The following SNX29 variants were observed in gnomAD, a reference collection of about 807,000 sequenced individuals.
SNX29 encodes the protein sorting nexin 29.
In SNX29, 78 loss-of-function variants were observed where a neutral mutation model predicts 102.1. That is an observed-to-expected ratio of 0.76 (90% confidence interval 0.64 to 0.92). SNX29 has a LOEUF of 0.92. SNX29 is among the 40% of genes least tolerant of loss of function. The pLI is 0.00. For synonymous variants in SNX29, 580 were observed against 414.5 expected (o/e 1.40, Z -4.85); for missense variants, 1,280 against 1,061.7 (o/e 1.21, Z -2.86).
At chr16:12,128,175 A>T (rs1438388400) in intron 12 of SNX29, among the ~76,000 whole-genome samples, 1 of 152,218 alleles carries the variant, frequency 6.6e-6, no homozygotes, top group African/African-American at 2.4e-5. Flanking sequence ...CTTTCAATAG[A>T]GGGCTTGCGC....
At chr16:12,164,075 C>T (rs2055907863) in intron 13 of SNX29, among the ~76,000 whole-genome samples, 1 of 152,042 alleles carries the variant, frequency 6.6e-6, no homozygotes, top group Non-Finnish European at 1.5e-5. Flanking sequence ...TTGGGGAAAG[C>T]ATTTTGGAGG....
chr16:12,306,244 G>T (rs2080333941), intron 15 of SNX29, among the ~76,000 whole-genome samples: 1 of 152,112 alleles, frequency 6.6e-6, no homozygotes, highest in Non-Finnish European at 1.5e-5. Flanking sequence ...TCGAAATTCT[G>T]TGTACTCTTA....
intron 15 of SNX29, among the ~76,000 whole-genome samples, chr16:12,325,816 C>T (rs1233625924): frequency 6.6e-6 from 1 of 151,956 alleles, no homozygotes; most frequent in East Asian, 1.9e-4. Flanking sequence ...TGCTTAAGGC[C>T]AGGAGTTCAA....
At chr16:12,457,223 G>A (rs1158212223) in intron 18 of SNX29, among the ~76,000 whole-genome samples, 1 of 152,210 alleles carries the variant, frequency 6.6e-6, no homozygotes, top group East Asian at 1.9e-4. Context: ...CATGTGTTAT[G>A]TCACAACCCT....
At chr16:12,517,366 A>G (rs1287644230) in intron 19 of SNX29, among the ~76,000 whole-genome samples, 1 of 152,100 alleles carries the variant, frequency 6.6e-6, no homozygotes, top group Non-Finnish European at 1.5e-5. Flanking sequence ...TGGGAGCCCC[A>G]TGTGACAGAT....
In SNX29 at chr16:12,477,728, C is replaced by A; in HGVS notation, c.2047C>A (p.Arg683=). The change falls in exon 19 of 21, where the codon CGG becomes AGG. Residue 683 remains arginine, a synonymous_variant. Transcript: ENST00000566228. ...TTCTCTTTCTTGACAGGTCTACATC[C>A]GGATAAAAGACGATGAATGGAATAT... ...NAFHVYQVYI[R]IKDDEWNIYR... 6.2e-7 allele frequency: 1 copy of A among 1,611,382 alleles called. No homozygotes were observed. Among genetic ancestry groups the A allele is most frequent in the South Asian group, 1.1e-5 (1 of 90,614 alleles).
intron 13 of SNX29, among the ~76,000 whole-genome samples, chr16:12,131,305 T>C (rs2054458004): frequency 6.6e-6 from 1 of 152,258 alleles, no homozygotes; most frequent in African/African-American, 2.4e-5. Context: ...GTCACTTTGT[T>C]TATATACTAT....
intron 16 of SNX29, among the ~76,000 whole-genome samples, chr16:12,388,156 G>A (rs138943803): frequency 1.1e-3 from 168 of 152,266 alleles, no homozygotes; most frequent in African/African-American, 3.9e-3. Flanking sequence ...AGATGAGCCC[G>A]AATTCTTTTT....
At chr16:12,326,069 A>G (rs1015527527) in intron 15 of SNX29, among the ~76,000 whole-genome samples, 1 of 151,226 alleles carries the variant, frequency 6.6e-6, no homozygotes, top group Admixed American at 6.6e-5. Context: ...TCTGGTGCCC[A>G]GGCTGGAGTG....
At chr16:12,076,304 T>A (rs1297987211) in intron 10 of SNX29, among the ~76,000 whole-genome samples, 1 of 84,882 alleles carries the variant, frequency 1.2e-5, no homozygotes, top group Non-Finnish European at 2.3e-5. Context: ...GGCTCCTCCC[T>A]TTTTTTTTTT....
intron 14 of SNX29, among the ~76,000 whole-genome samples, chr16:12,247,209 G>C (rs2078284710): frequency 6.6e-6 from 1 of 152,202 alleles, no homozygotes; most frequent in South Asian, 2.1e-4. Flanking sequence ...CGTTATAGCA[G>C]TCATCTTAGC....
intron 14 of SNX29, among the ~76,000 whole-genome samples, chr16:12,240,596 T>TC (rs1567346997): frequency 2.4e-5 from 3 of 122,534 alleles, no homozygotes; most frequent in Non-Finnish European, 5.0e-5. Flanking sequence ...TTTTTTTTTT[T>TC]TTTTTTTTTT....
At chr16:12,501,221 C>A (rs2089106205) in intron 19 of SNX29, among the ~76,000 whole-genome samples, 1 of 152,042 alleles carries the variant, frequency 6.6e-6, no homozygotes, top group South Asian at 2.1e-4. Flanking sequence ...CATAGTGAGA[C>A]CCCATCCCTA....
chr16:12,357,420 A>G (rs773720583), intron 16 of SNX29, among the ~76,000 whole-genome samples: 3 of 152,308 alleles, frequency 2.0e-5, no homozygotes, highest in South Asian at 2.1e-4. Flanking sequence ...CAAATTTCCA[A>G]TTGCCTCATA....
chr16:12,271,336 C>A (rs114044038), intron 14 of SNX29, among the ~76,000 whole-genome samples: 1 of 152,128 alleles, frequency 6.6e-6, no homozygotes, highest in Non-Finnish European at 1.5e-5. Flanking sequence ...CTGTTGGCTG[C>A]GTGCATCAGT....
At chr16:12,537,232 C>T (rs946443844) in intron 20 of SNX29, among the ~76,000 whole-genome samples, 8 of 152,176 alleles carry the variant, frequency 5.3e-5, no homozygotes, top group African/African-American at 1.9e-4. Flanking sequence ...TGCAAGGTGC[C>T]AGGCACACCC....
rs950869892 is a variant in SNX29, at chr16:12,534,964, T to G, written c.2318+10123T>G. 3.3e-5 allele frequency among the ~76,000 whole-genome samples: 5 copies of G among 152,322 alleles called. 1 individual carries two copies. The East Asian group carries it at 9.6e-4, about 29-fold the overall frequency. On this transcript the variant is annotated intron_variant, in intron 20 of 20. Transcript: ENST00000566228. Reference sequence around the variant, plus strand: ...CTCCTCCCTGCACAGCAGAGTTATCTGACCTGAACGTCATTAGTGTGAAGG... The same window carrying G: ...CTCCTCCCTGCACAGCAGAGTTATCGGACCTGAACGTCATTAGTGTGAAGG...
intron 13 of SNX29, among the ~76,000 whole-genome samples, chr16:12,192,460 A>G (rs1427405113): frequency 6.6e-6 from 1 of 151,578 alleles, no homozygotes; most frequent in African/African-American, 2.4e-5. Context: ...CCCTCATTCC[A>G]TTTGCTTTTT....
At position 12,572,457 on chromosome 16, in the gene SNX29, T is replaced by C; in HGVS notation, c.*3828T>C. 9.4e-7 allele frequency: 1 copy of C among 1,062,938 alleles called. No individual in the cohort carries two copies. The highest frequency in any genetic ancestry group is 4.6e-5 in the South Asian group (1 of 21,960). 65.8% of individuals were successfully genotyped at this position (1,062,938 alleles called of 1,614,324 possible). On this transcript the variant is annotated 3_prime_UTR_variant, in exon 21 of 21. Coordinates refer to ENST00000566228, the MANE Select transcript of SNX29 (RefSeq NM_032167.5). ...GCCTCTCTTGGTTCTGCATGGTACA[T>C]TTTGCCAACCCTGAGGACCAGTTCT...
Sources: gnomAD v4.1 joint callset for allele counts (sites outside exome capture counted in the v4.1 genomes callset) on GRCh38, gnomAD v4.1.1 for gene constraint, MANE v1.5 for transcripts, NCBI Gene and HGNC (gene_info 2026-07-23, HGNC 2026-07-21) for gene names.